Variants in GPR158 observed in about 807,000 individuals in gnomAD.
The protein encoded by GPR158 is G protein-coupled receptor 158.
GPR158 carries 30 observed loss-of-function variants against 78.2 expected under a neutral mutation model. That is an observed-to-expected ratio of 0.38 (90% CI 0.29 to 0.52). The LOEUF is 0.52. GPR158 is among the 20% of genes least tolerant of loss of function. The pLI is 0.83. For missense variants in GPR158, 1,463 were observed against 1,523.5 expected, an observed-to-expected ratio of 0.96 and a Z score of 0.66; for synonymous variants, 581 against 591.1, an observed-to-expected ratio of 0.98 and a Z score of 0.25.
intron 2 of GPR158, among the ~76,000 whole-genome samples, chr10:25,346,608 C>T (rs1276938635): frequency 6.6e-6 from 1 of 151,846 alleles, no homozygotes. Flanking sequence ...TCCCATAGGA[C>T]ATTTAGGTAA....
At chr10:25,383,002 A>C (rs1490306439) in intron 2 of GPR158, among the ~76,000 whole-genome samples, 1 of 151,570 alleles carries the variant, frequency 6.6e-6, no homozygotes, top group Non-Finnish European at 1.5e-5. Flanking sequence ...CACCCGGCTT[A>C]TTTTTGGTAT....
At chr10:25,304,852 A>T (rs890658113) in intron 2 of GPR158, among the ~76,000 whole-genome samples, 1 of 152,202 alleles carries the variant, frequency 6.6e-6, no homozygotes, top group African/African-American at 2.4e-5. Context: ...ATAAGGGATG[A>T]TACTGGTAAT....
intron 4 of GPR158, among the ~76,000 whole-genome samples, chr10:25,433,287 T>G (rs933983590): frequency 2.6e-5 from 4 of 151,994 alleles, no homozygotes; most frequent in African/African-American, 9.7e-5. Flanking sequence ...GTAATCTAAG[T>G]TCTAGGCCTG....
intron 1 of GPR158, among the ~76,000 whole-genome samples, chr10:25,212,081 G>A (rs1853139270): frequency 6.6e-6 from 1 of 152,166 alleles, no homozygotes; most frequent in African/African-American, 2.4e-5. Context: ...TTCATTTGAT[G>A]AGAATTGACA....
chr10:25,501,810 T>C (rs901447748), intron 5 of GPR158, among the ~76,000 whole-genome samples: 2 of 152,212 alleles, frequency 1.3e-5, no homozygotes, highest in Non-Finnish European at 1.5e-5. Context: ...GTTTCCATTC[T>C]AGTGTTTAGA....
chr10:25,424,637 G>A (rs990441940), intron 4 of GPR158, among the ~76,000 whole-genome samples: 10 of 151,698 alleles, frequency 6.6e-5, no homozygotes, highest in Admixed American at 1.3e-4. Context: ...TTATTAAATA[G>A]GGAATCCTTT....
chr10:25,307,723 A>C (rs1465708462), intron 2 of GPR158, among the ~76,000 whole-genome samples: 1 of 152,010 alleles, frequency 6.6e-6, no homozygotes, highest in African/African-American at 2.4e-5. Context: ...ATTCTCTATC[A>C]GTTCTTAGAG....
At chr10:25,299,557 G>A (rs968214304) in intron 2 of GPR158, among the ~76,000 whole-genome samples, 2 of 151,376 alleles carry the variant, frequency 1.3e-5, no homozygotes, top group South Asian at 4.2e-4. Context: ...CCATTTTCTC[G>A]CAAATGACAG....
chr10:25,311,439 T>G (rs1854763004), intron 2 of GPR158, among the ~76,000 whole-genome samples: 1 of 151,966 alleles, frequency 6.6e-6, no homozygotes, highest in Non-Finnish European at 1.5e-5. Flanking sequence ...TGTAAATGCC[T>G]TTATTATAAC....
chr10:25,572,873 A>C lies in GPR158; in HGVS notation c.1739A>C (p.Tyr580Ser), dbSNP rs747524322. Residue 580 changes from tyrosine to serine, a missense_variant, in exon 7 of 11, where the codon TAC becomes TCC. Physicochemically the swap from Tyr to Ser is moderately radical, Grantham distance 144. Coordinates refer to ENST00000376351, the MANE Select transcript of GPR158 (RefSeq NM_020752.3). Reference protein sequence around the residue: ...FNMCLIDRWDYMTAVAEFLFL... With the variant: ...FNMCLIDRWDSMTAVAEFLFL... ...ATGTGCCTCATTGACCGCTGGGACT[A>C]CATGACAGCAGTTGGTATGTGGTCA... 6 of 1,593,450 alleles carry C rather than the reference A, an allele frequency of 3.8e-6. No homozygotes were observed. In the South Asian group the frequency reaches 6.6e-5, roughly 18 times the overall value.
intron 2 of GPR158, among the ~76,000 whole-genome samples, chr10:25,222,478 C>T (rs1853312539): frequency 6.6e-6 from 1 of 152,184 alleles, no homozygotes; most frequent in African/African-American, 2.4e-5. Flanking sequence ...TACACCTCCA[C>T]AGAGACTGCC....
intron 2 of GPR158, among the ~76,000 whole-genome samples, chr10:25,251,164 T>G (rs1853791939): frequency 6.6e-6 from 1 of 152,208 alleles, no homozygotes; most frequent in Non-Finnish European, 1.5e-5. Flanking sequence ...TCCATTTGCT[T>G]GGTAGATGTT....
chr10:25,348,390 A>G (rs540473942), intron 2 of GPR158, among the ~76,000 whole-genome samples: 1 of 120,312 alleles, frequency 8.3e-6, no homozygotes, highest in Admixed American at 8.7e-5. Flanking sequence ...AAATTTTAGG[A>G]AGAAAGACAC....
chr10:25,583,043 G>A (rs1441251249), intron 7 of GPR158, among the ~76,000 whole-genome samples: 1 of 152,168 alleles, frequency 6.6e-6, no homozygotes, highest in Admixed American at 6.5e-5. Context: ...AAGAGACTCG[G>A]ATTCTAGGCT....
intron 5 of GPR158, among the ~76,000 whole-genome samples, chr10:25,522,696 C>T (rs1836293844): frequency 6.6e-6 from 1 of 152,118 alleles, no homozygotes; most frequent in Admixed American, 6.5e-5. Context: ...TTTATGGATA[C>T]ATATAAATGG....
intron 5 of GPR158, among the ~76,000 whole-genome samples, chr10:25,548,233 A>G (rs1407765480): frequency 6.6e-6 from 1 of 152,144 alleles, no homozygotes; most frequent in East Asian, 1.9e-4. Context: ...TCAATTTTAC[A>G]TTTAATTTAG....
intron 5 of GPR158, among the ~76,000 whole-genome samples, chr10:25,490,363 A>G (rs1319642487): frequency 6.8e-6 from 1 of 147,858 alleles, no homozygotes; most frequent in Non-Finnish European, 1.5e-5. Flanking sequence ...ACATATGTAT[A>G]CATGTGCCAT....
intron 2 of GPR158, among the ~76,000 whole-genome samples, chr10:25,346,037 C>T (rs1022951488): frequency 2.0e-5 from 3 of 151,898 alleles, no homozygotes; most frequent in African/African-American, 7.2e-5. Flanking sequence ...TATATAATAT[C>T]ATATCTAGAC....
chr10:25,543,719 C>A (rs1836621321), intron 5 of GPR158, among the ~76,000 whole-genome samples: 1 of 152,176 alleles, frequency 6.6e-6, no homozygotes, highest in Non-Finnish European at 1.5e-5. Context: ...TGAGAACATG[C>A]AGGAATTTTC....
Sources: gnomAD v4.1 joint callset for allele counts (sites outside exome capture counted in the v4.1 genomes callset) on GRCh38, gnomAD v4.1.1 for gene constraint, MANE v1.5 for transcripts, NCBI Gene and HGNC (gene_info 2026-07-23, HGNC 2026-07-21) for gene names.